RBM39: variants seen among roughly 807,000 people sequenced by gnomAD.
RBM39 encodes the protein RNA-binding protein 39.
In RBM39, 12 loss-of-function variants were observed where a neutral mutation model predicts 79.6. The ratio of observed to expected loss-of-function variants is 0.15; its 90% CI spans 0.10 to 0.24. RBM39 has a LOEUF of 0.24. Among genes scored for constraint, RBM39 ranks in the 10% least tolerant of loss-of-function variants. The pLI, the probability that RBM39 is intolerant of heterozygous loss-of-function variation, is 1.00. For synonymous variants in RBM39, 185 were observed against 208.4 expected, an observed-to-expected ratio of 0.89 and a Z score of 0.97; for missense variants, 243 against 653.4, an observed-to-expected ratio of 0.37 and a Z score of 6.85.
intron 12 of RBM39, among the ~76,000 whole-genome samples, chr20:35,710,996 A>G (rs1018201337): frequency 2.6e-5 from 4 of 152,222 alleles, no homozygotes; most frequent in African/African-American, 9.6e-5. Flanking sequence ...GATGAGAAAG[A>G]ACCCAAGAGG....
intron 3 of RBM39, chr20:35,736,582 A>T (rs190491183): frequency 8.7e-5 from 41 of 470,870 alleles, no homozygotes; most frequent in Admixed American, 2.1e-4. Flanking sequence ...GGAGGAAAAG[A>T]GCCAAAAAGA....
intron 6 of RBM39, 37 bp from the exon 7 acceptor site, chr20:35,725,192 C>T (rs2038502122): frequency 1.6e-6 from 2 of 1,282,006 alleles, no homozygotes; most frequent in Non-Finnish European, 2.2e-6. Context: ...AATTTCATAA[C>T]AGATTTTAAA....
chr20:35,711,601 A>G (rs886578874), intron 12 of RBM39, among the ~76,000 whole-genome samples: 3 of 152,232 alleles, frequency 2.0e-5, no homozygotes, highest in African/African-American at 7.2e-5. Flanking sequence ...CAATTTATAG[A>G]AAGGAAATGA....
chr20:35,705,115 C>A (rs1384964330), intron 15 of RBM39, 110 bp downstream of exon 15: 1 of 711,810 alleles, frequency 1.4e-6, no homozygotes, highest in Non-Finnish European at 2.4e-6. Context: ...GGCACACACA[C>A]ACAAAAACTA....
intron 6 of RBM39, 109 bp downstream of exon 6, chr20:35,729,203 G>T: frequency 2.0e-6 from 2 of 979,912 alleles, no homozygotes; most frequent in Non-Finnish European, 1.5e-6. Flanking sequence ...GCAAAAGAAA[G>T]CAAAAGCAAG....
intron 6 of RBM39, among the ~76,000 whole-genome samples, chr20:35,727,195 G>A (rs1049472618): frequency 2.6e-5 from 4 of 151,344 alleles, no homozygotes; most frequent in Non-Finnish European, 4.4e-5. Context: ...AAAAAAAATA[G>A]AAAAATTAGC....
chr20:35,736,219 G>GA (rs1442970711), intron 3 of RBM39, among the ~76,000 whole-genome samples: 2 of 152,144 alleles, frequency 1.3e-5, no homozygotes, highest in Non-Finnish European at 2.9e-5. Context: ...TACTGTGGCA[G>GA]AAAGTCTAAA....
chr20:35,727,671 CAG>C (rs1325046100), intron 6 of RBM39, among the ~76,000 whole-genome samples: 2 of 134,306 alleles, frequency 1.5e-5, no homozygotes, highest in Non-Finnish European at 3.1e-5. Flanking sequence ...TTTTTTGAGA[CAG>C]AGTTTCGCTC....
At position 35,732,150 on chromosome 20, in the gene RBM39, A is replaced by T; in HGVS notation, c.102-15T>A. 6.2e-7 allele frequency: 1 copy of T among 1,612,528 alleles called. No homozygotes were observed. The highest frequency in any genetic ancestry group is 2.2e-5 in the East Asian group (1 of 44,850). On this transcript the variant is annotated splice_polypyrimidine_tract_variant and intron_variant, in intron 3 of 16. Coordinates refer to ENST00000253363, the MANE Select transcript of RBM39 (RefSeq NM_184234.3). ...TTTTTTTCCTCCTGAGAAGAAAAAA[A>T]CTCGCCATTATCATGCTGGCTTAAG...
At chr20:35,736,990 G>A (rs1226103638) in intron 3 of RBM39, among the ~76,000 whole-genome samples, 2 of 151,228 alleles carry the variant, frequency 1.3e-5, no homozygotes, top group Non-Finnish European at 3.0e-5. Flanking sequence ...TTGGGTCCAT[G>A]TCTCACGCCT....
chr20:35,727,837 A>T (rs376496053), intron 6 of RBM39, among the ~76,000 whole-genome samples: 2 of 152,144 alleles, frequency 1.3e-5, no homozygotes, highest in East Asian at 1.9e-4. Flanking sequence ...TTTTTAGTAC[A>T]GACAGGGTTT....
At chr20:35,709,692 T>C (rs918012838) in intron 12 of RBM39, among the ~76,000 whole-genome samples, 8 of 152,210 alleles carry the variant, frequency 5.3e-5, no homozygotes, top group African/African-American at 1.9e-4. Flanking sequence ...AAGGATATTA[T>C]AAAATTGTAA....
intron 13 of RBM39, among the ~76,000 whole-genome samples, chr20:35,708,390 A>G (rs560831265): frequency 1.3e-5 from 2 of 152,242 alleles, no homozygotes; most frequent in African/African-American, 4.8e-5. Flanking sequence ...ATTATATACT[A>G]TGAATACTAA....
chr20:35,703,620 A>C lies in RBM39; in HGVS notation c.*861T>G, dbSNP rs1168956072. 6.6e-6 allele frequency: 1 copy of C among 152,668 alleles called. No homozygotes were observed. Among genetic ancestry groups the C allele is most frequent in the East Asian group, 1.9e-4 (1 of 5,200 alleles). 9.5% of individuals were successfully genotyped at this position (152,668 alleles called of 1,614,324 possible). ...ATGAAGATCTCCTGTGGCCTTTTTA[A>C]GAGACTTTTATTTGAGTGGTTCTTA... On this transcript the variant is annotated 3_prime_UTR_variant, in exon 17 of 17. Coordinates refer to ENST00000253363, the MANE Select transcript of RBM39 (RefSeq NM_184234.3).
chr20:35,713,196 A>G (rs2036656019), intron 11 of RBM39, 100 bp from the exon 12 acceptor site: 3 of 1,013,944 alleles, frequency 3.0e-6, no homozygotes, highest in Non-Finnish European at 4.3e-6. Flanking sequence ...AATAAATTGC[A>G]AGGAGGGCCG....
intron 2 of RBM39, chr20:35,739,494 G>A (rs189077675): frequency 8.5e-6 from 4 of 471,100 alleles, no homozygotes; most frequent in East Asian, 6.9e-5. Flanking sequence ...GCCCATTTCC[G>A]TTGGAGGGTT....
chr20:35,728,398 A>G (rs189287251), intron 6 of RBM39, among the ~76,000 whole-genome samples: 32 of 152,376 alleles, frequency 2.1e-4, no homozygotes, highest in Non-Finnish European at 4.6e-4. Flanking sequence ...TAACTGTATT[A>G]CCCATATACA....
At chr20:35,720,795 A>G (rs1394564832) in intron 9 of RBM39, among the ~76,000 whole-genome samples, 6 of 152,168 alleles carry the variant, frequency 3.9e-5, no homozygotes, top group African/African-American at 1.4e-4. Context: ...AGAAAGTACC[A>G]GAGTGGATCA....
intron 13 of RBM39, among the ~76,000 whole-genome samples, chr20:35,708,462 A>C (rs1185805039): frequency 6.6e-6 from 1 of 152,156 alleles, no homozygotes; most frequent in Non-Finnish European, 1.5e-5. Context: ...TGCAGAACAC[A>C]GTAAATCTAG....
Sources: allele counts gnomAD v4.1 joint callset (sites outside exome capture counted in the v4.1 genomes callset), GRCh38; gene constraint gnomAD v4.1.1; transcripts MANE v1.5; gene names NCBI Gene and HGNC (gene_info 2026-07-23, HGNC 2026-07-21).